Variants in EXOC4 observed in about 807,000 individuals in gnomAD.
EXOC4 encodes the protein exocyst complex component 4.
EXOC4 carries 71 observed loss-of-function variants against 107.2 expected under a neutral mutation model. That is an observed-to-expected ratio of 0.66 (90% CI 0.55 to 0.81). EXOC4 has a LOEUF of 0.81. Among genes scored for constraint, EXOC4 ranks in the 30% least tolerant of loss-of-function variants. The pLI is 0.00. For missense variants in EXOC4, 1,108 were observed against 1,189.6 expected (o/e 0.93, Z 1.01); for synonymous variants, 456 against 441.2 (o/e 1.03, Z -0.42).
chr7:133,491,522 C>G (rs1213810387), intron 9 of EXOC4, among the ~76,000 whole-genome samples: 1 of 152,118 alleles, frequency 6.6e-6, no homozygotes, highest in Non-Finnish European at 1.5e-5. Context: ...TTTCTGAGCT[C>G]TAGGTTATTC....
chr7:133,890,049 A>C (rs1353507328), intron 11 of EXOC4, among the ~76,000 whole-genome samples: 2 of 34,456 alleles, frequency 5.8e-5, no homozygotes, highest in Non-Finnish European at 9.0e-5. Context: ...ACAGTGTAAA[A>C]GTGTTCCTAT....
At chr7:133,970,340 C>T (rs990148684) in intron 14 of EXOC4, among the ~76,000 whole-genome samples, 7 of 151,966 alleles carry the variant, frequency 4.6e-5, no homozygotes, top group Non-Finnish European at 1.5e-5. Context: ...AGCCCCCTTT[C>T]CAGGGGGGTG....
chr7:133,400,436 T>C (rs1433057695), intron 7 of EXOC4, among the ~76,000 whole-genome samples: 1 of 152,252 alleles, frequency 6.6e-6, no homozygotes, highest in East Asian at 1.9e-4. Context: ...AACCATGTAA[T>C]AAGTTACTTC....
chr7:133,440,644 G>A (rs576643727), intron 7 of EXOC4, among the ~76,000 whole-genome samples: 4 of 152,302 alleles, frequency 2.6e-5, no homozygotes, highest in Admixed American at 2.6e-4. Flanking sequence ...AAGAAGCTGG[G>A]CAAACCCACT....
Position 133,847,685 on chromosome 7 carries a change from C to A in EXOC4, c.1734+30141C>A, listed in dbSNP as rs138425407. Reference sequence around the variant, plus strand: ...CAGGTGTGAGTCACTGTGCCCGGCCCGGTTAGGATTCTTTCTTTATTTGTG... The same window carrying A: ...CAGGTGTGAGTCACTGTGCCCGGCCAGGTTAGGATTCTTTCTTTATTTGTG... On this transcript the variant is annotated intron_variant, in intron 11 of 17. Transcript: ENST00000253861. Among the ~76,000 whole-genome samples, 675 of 150,464 alleles carry A rather than the reference C, an allele frequency of 4.5e-3. 6 individuals are homozygous for A. The highest frequency in any genetic ancestry group is 0.017 in the Middle Eastern group (5 of 288).
chr7:133,814,600 C>G (rs1004664253), intron 10 of EXOC4, among the ~76,000 whole-genome samples: 1 of 152,074 alleles, frequency 6.6e-6, no homozygotes, highest in Non-Finnish European at 1.5e-5. Flanking sequence ...ATAGTGCCAA[C>G]CTGCCTTCCA....
chr7:133,937,987 A>G lies in EXOC4; in HGVS notation c.2124A>G (p.Lys708=). 1 of 1,614,192 alleles carries G rather than the reference A, an allele frequency of 6.2e-7. No homozygotes were observed. Among genetic ancestry groups the G allele is most frequent in the Non-Finnish European group, 8.5e-7 (1 of 1,180,032 alleles). ...QDILRDVSDL[K]ALANMHESLE... is the part of the protein sequence containing the mutation. ...TCCTTCGTGACGTCAGTGACCTCAA[A>G]GCCTTGGCCAACATGCATGAAAGCC... Residue 708 remains lysine, a synonymous_variant, in exon 14 of 18, where the codon AAA becomes AAG. Transcript: ENST00000253861.
intron 7 of EXOC4, among the ~76,000 whole-genome samples, chr7:133,465,671 T>C (rs1184996030): frequency 1.3e-5 from 2 of 152,088 alleles, no homozygotes; most frequent in African/African-American, 4.8e-5. Context: ...TTTAAAAGAA[T>C]TGAAATCACA....
chr7:133,560,144 G>T (rs1372392925), intron 9 of EXOC4, among the ~76,000 whole-genome samples: 1 of 151,936 alleles, frequency 6.6e-6, no homozygotes. Context: ...AATATTACTG[G>T]CTGGTATTTA....
chr7:133,615,907 T>C (rs1178493363), intron 9 of EXOC4, among the ~76,000 whole-genome samples: 1 of 152,170 alleles, frequency 6.6e-6, no homozygotes, highest in Non-Finnish European at 1.5e-5. Context: ...CAGGAAGAGA[T>C]TGTAGCAGTA....
chr7:133,420,796 G>A (rs999460639), intron 7 of EXOC4, among the ~76,000 whole-genome samples: 11 of 151,914 alleles, frequency 7.2e-5, no homozygotes, highest in African/African-American at 2.2e-4. Flanking sequence ...ACCTGGCCAG[G>A]TGAATTGTTT....
At chr7:133,557,751 G>A (rs1800721529) in intron 9 of EXOC4, among the ~76,000 whole-genome samples, 1 of 152,136 alleles carries the variant, frequency 6.6e-6, no homozygotes, top group African/African-American at 2.4e-5. Flanking sequence ...AGCACTTTGG[G>A]AGGCCTAGAC....
intron 14 of EXOC4, among the ~76,000 whole-genome samples, chr7:133,978,704 G>A (rs776173383): frequency 1.3e-5 from 2 of 152,210 alleles, no homozygotes; most frequent in African/African-American, 4.8e-5. Flanking sequence ...TTCCTGCTGC[G>A]AGGAAGCAGC....
chr7:133,274,096 A>G (rs1196757304), intron 1 of EXOC4, among the ~76,000 whole-genome samples: 1 of 152,228 alleles, frequency 6.6e-6, no homozygotes, highest in Non-Finnish European at 1.5e-5. Context: ...ATTTTTAATA[A>G]GTATATCTAT....
At chr7:133,472,633 T>C (rs1454672385) in intron 7 of EXOC4, among the ~76,000 whole-genome samples, 2 of 152,100 alleles carry the variant, frequency 1.3e-5, no homozygotes, top group African/African-American at 2.4e-5. Flanking sequence ...ATAAATCACA[T>C]TGTGATAAAG....
intron 7 of EXOC4, among the ~76,000 whole-genome samples, chr7:133,391,074 C>G (rs562888211): frequency 9.2e-5 from 14 of 152,156 alleles, no homozygotes; most frequent in Non-Finnish European, 1.5e-4. Context: ...TTCTGGGCTT[C>G]CCAAAAATTT....
chr7:133,539,027 T>C (rs960465593), intron 9 of EXOC4, among the ~76,000 whole-genome samples: 2 of 152,040 alleles, frequency 1.3e-5, no homozygotes, highest in Non-Finnish European at 2.9e-5. Context: ...TGTCATTCTC[T>C]ATTCTGGAAA....
chr7:133,809,160 T>A (rs977990275), intron 10 of EXOC4, among the ~76,000 whole-genome samples: 1 of 152,200 alleles, frequency 6.6e-6, no homozygotes, highest in Non-Finnish European at 1.5e-5. Flanking sequence ...AAACCAAAAC[T>A]CAAAATCAAA....
intron 10 of EXOC4, among the ~76,000 whole-genome samples, chr7:133,738,881 C>A (rs897312499): frequency 6.6e-6 from 1 of 152,068 alleles, no homozygotes; most frequent in Non-Finnish European, 1.5e-5. Flanking sequence ...TGAATATGCT[C>A]TAGATTAGTC....
Sources: allele counts gnomAD v4.1 joint callset (sites outside exome capture counted in the v4.1 genomes callset), GRCh38; gene constraint gnomAD v4.1.1; transcripts MANE v1.5; gene names NCBI Gene and HGNC (gene_info 2026-07-23, HGNC 2026-07-21).